ZNF385B: variants seen among roughly 807,000 people sequenced by gnomAD.
The protein encoded by ZNF385B is zinc finger protein 385B.
A neutral mutation model predicts 39.2 loss-of-function variants in ZNF385B; 23 were observed. That is an observed-to-expected ratio of 0.59 (90% confidence interval 0.42 to 0.83). The LOEUF (loss-of-function observed/expected upper bound fraction) is 0.83, where lower values mean the gene tolerates loss of function less well. ZNF385B is among the 40% of genes least tolerant of loss of function. ZNF385B has a pLI of 0.00. For synonymous variants in ZNF385B, 205 were observed against 222.6 expected (o/e 0.92, Z 0.70); for missense variants, 552 against 598.9 (o/e 0.92, Z 0.82).
At chr2:179,754,884 T>C (rs1702910927) in intron 3 of ZNF385B, among the ~76,000 whole-genome samples, 1 of 152,192 alleles carries the variant, frequency 6.6e-6, no homozygotes, top group Admixed American at 6.5e-5. Flanking sequence ...AAAAACCAGC[T>C]CTTGGATTCA....
chr2:179,836,788 GATT>G (rs1396500203), intron 1 of ZNF385B, among the ~76,000 whole-genome samples: 7 of 152,196 alleles, frequency 4.6e-5, no homozygotes, highest in African/African-American at 1.7e-4. Context: ...AAAGTGCTGG[GATT>G]ACAGGCGTGA....
intron 3 of ZNF385B, among the ~76,000 whole-genome samples, chr2:179,549,295 GTGGATA>G (rs1299468563): frequency 6.7e-6 from 1 of 149,504 alleles, no homozygotes; most frequent in African/African-American, 2.5e-5. Flanking sequence ...AAGTTCTTAT[GTGGATA>G]TATGTTTTCA....
chr2:179,455,949 A>C (rs2050660196), intron 6 of ZNF385B, among the ~76,000 whole-genome samples: 1 of 152,082 alleles, frequency 6.6e-6, no homozygotes, highest in Non-Finnish European at 1.5e-5. Flanking sequence ...GAAGGAACTA[A>C]AACTATTTAG....
intron 6 of ZNF385B, among the ~76,000 whole-genome samples, chr2:179,468,973 TA>T (rs1354136492): frequency 1.3e-5 from 2 of 152,168 alleles, no homozygotes; most frequent in Non-Finnish European, 2.9e-5. Flanking sequence ...AAAAGCCAAT[TA>T]TAAAAAAATT....
intron 3 of ZNF385B, among the ~76,000 whole-genome samples, chr2:179,600,559 A>G (rs1688334703): frequency 6.6e-6 from 1 of 152,174 alleles, no homozygotes; most frequent in Non-Finnish European, 1.5e-5. Context: ...CAAGGTATCC[A>G]TTTCTATATC....
At chr2:179,491,292 G>A (rs958665346) in intron 5 of ZNF385B, among the ~76,000 whole-genome samples, 2 of 152,064 alleles carry the variant, frequency 1.3e-5, no homozygotes, top group East Asian at 3.9e-4. Flanking sequence ...TTTCTAAGAG[G>A]TATATTTACT....
intron 5 of ZNF385B, among the ~76,000 whole-genome samples, chr2:179,497,661 G>GAAGACCAT (rs1484312859): frequency 1.2e-4 from 18 of 151,310 alleles, no homozygotes; most frequent in African/African-American, 4.1e-4. Flanking sequence ...GGAAGGAAGA[G>GAAGACCAT]AAGACCATAA....
chr2:179,706,069 ATG>A (rs965241763), intron 3 of ZNF385B, among the ~76,000 whole-genome samples: 2 of 152,190 alleles, frequency 1.3e-5, no homozygotes, highest in African/African-American at 4.8e-5. Flanking sequence ...TATAAAAAGA[ATG>A]TGTGTTTGCA....
At chr2:179,496,188 C>T (rs2056183483) in intron 5 of ZNF385B, among the ~76,000 whole-genome samples, 1 of 152,026 alleles carries the variant, frequency 6.6e-6, no homozygotes, top group Non-Finnish European at 1.5e-5. Flanking sequence ...ATGCAACTGG[C>T]ATTCTGAAGA....
intron 1 of ZNF385B, among the ~76,000 whole-genome samples, chr2:179,853,190 G>GT (rs1559252856): frequency 6.6e-6 from 1 of 152,102 alleles, no homozygotes; most frequent in Non-Finnish European, 1.5e-5. Flanking sequence ...CCCAGGAGAG[G>GT]TGACTATCCA....
At chr2:179,553,803 C>T (rs951115084) in intron 3 of ZNF385B, among the ~76,000 whole-genome samples, 23 of 149,398 alleles carry the variant, frequency 1.5e-4, no homozygotes, top group Middle Eastern at 3.4e-3. Context: ...CTAACAGGCA[C>T]TGTGGACATC....
At chr2:179,690,747 CCTT>C (rs1378595673) in intron 3 of ZNF385B, among the ~76,000 whole-genome samples, 2 of 152,192 alleles carry the variant, frequency 1.3e-5, no homozygotes, top group African/African-American at 2.4e-5. Flanking sequence ...TGGGGTCACA[CCTT>C]CTTCGCAGGA....
intron 3 of ZNF385B, among the ~76,000 whole-genome samples, chr2:179,763,570 T>C (rs1415618370): frequency 6.6e-6 from 1 of 152,204 alleles, no homozygotes; most frequent in Non-Finnish European, 1.5e-5. Flanking sequence ...TATTCTTTTC[T>C]AGCTTCTTGG....
chr2:179,572,477 A>G (rs1179539628), intron 3 of ZNF385B, among the ~76,000 whole-genome samples: 1 of 152,074 alleles, frequency 6.6e-6, no homozygotes, highest in Non-Finnish European at 1.5e-5. Flanking sequence ...TTCAAGTAGA[A>G]GGCATCATAG....
intron 1 of ZNF385B, among the ~76,000 whole-genome samples, chr2:179,837,869 GA>G (rs1455692795): frequency 2.0e-5 from 3 of 152,252 alleles, no homozygotes; most frequent in South Asian, 4.1e-4. Flanking sequence ...TTTAAAAGAA[GA>G]AAGGTAATAA....
At chr2:179,682,126 A>T (rs1316252343) in intron 3 of ZNF385B, among the ~76,000 whole-genome samples, 1 of 152,208 alleles carries the variant, frequency 6.6e-6, no homozygotes, top group South Asian at 2.1e-4. Flanking sequence ...ATAATTTTCA[A>T]TACATGACAG....
chr2:179,587,892 T>G (rs1687216107), intron 3 of ZNF385B, among the ~76,000 whole-genome samples: 1 of 152,186 alleles, frequency 6.6e-6, no homozygotes, highest in Non-Finnish European at 1.5e-5. Context: ...TTCTTTAATC[T>G]GTGAAATAAA....
At chr2:179,629,578 G>A (rs1690999519) in intron 3 of ZNF385B, among the ~76,000 whole-genome samples, 1 of 152,198 alleles carries the variant, frequency 6.6e-6, no homozygotes, top group African/African-American at 2.4e-5. Context: ...AACAGCTCCA[G>A]TCTGCAGCTC....
chr2:179,495,992 G>A (rs2056161795), intron 5 of ZNF385B, among the ~76,000 whole-genome samples: 1 of 152,060 alleles, frequency 6.6e-6, no homozygotes, highest in Non-Finnish European at 1.5e-5. Context: ...TTCACCAAAT[G>A]AACTAAATAA....
Sources: allele counts gnomAD v4.1 joint callset (sites outside exome capture counted in the v4.1 genomes callset), GRCh38; gene constraint gnomAD v4.1.1; transcripts MANE v1.5; gene names NCBI Gene and HGNC (gene_info 2026-07-23, HGNC 2026-07-21).